The following TBXAS1 variants were observed in gnomAD, a reference collection of about 807,000 sequenced individuals.
TBXAS1 encodes thromboxane A synthase 1.
Under a neutral mutation model 60.7 loss-of-function variants are expected in TBXAS1, and 48 were observed. The observed-to-expected ratio is 0.79, with a 90% CI of 0.63 to 1.01. The LOEUF (loss-of-function observed/expected upper bound fraction) is 1.01. TBXAS1 is among the 50% of genes least tolerant of loss of function. TBXAS1 has a pLI of 0.00. For missense variants in TBXAS1, 685 were observed against 686.3 expected (o/e 1.00, Z 0.02); for synonymous variants, 287 against 269.7 (o/e 1.06, Z -0.63).
At chr7:139,981,415 C>A (rs1212769976) in intron 9 of TBXAS1, among the ~76,000 whole-genome samples, 1 of 152,236 alleles carries the variant, frequency 6.6e-6, no homozygotes, top group Admixed American at 6.5e-5. Flanking sequence ...CATGCCCGGC[C>A]AGGATGTTCT....
At chr7:140,015,335 T>C (rs1370617718) in intron 10 of TBXAS1, among the ~76,000 whole-genome samples, 1 of 152,052 alleles carries the variant, frequency 6.6e-6, no homozygotes, top group Non-Finnish European at 1.5e-5. Context: ...GAAGATAGGA[T>C]AGGCTGTGGC....
At chr7:140,008,935 C>T (rs975109184) in intron 10 of TBXAS1, among the ~76,000 whole-genome samples, 3 of 152,226 alleles carry the variant, frequency 2.0e-5, no homozygotes, top group African/African-American at 7.2e-5. Context: ...GGCTTGGTGA[C>T]CAGGGCTCCT....
chr7:139,951,931 GAGAAAGAAGGAAAGAAAGAAA>G (rs1809369835), intron 5 of TBXAS1, among the ~76,000 whole-genome samples: 2 of 57,866 alleles, frequency 3.5e-5, no homozygotes, highest in Admixed American at 2.3e-4. Flanking sequence ...GAAAGAAAGA[GAGAAAGAAGGAAAGAAAGAAA>G]AGAAAGAAAG....
chr7:139,805,732 T>TCTCTCTCTCTCTCTCTC (rs1569492548), intron 4 of TBXAS1, among the ~76,000 whole-genome samples: 1 of 74,536 alleles, frequency 1.3e-5, no homozygotes, highest in African/African-American at 6.5e-5. Flanking sequence ...CTCTCTCTCT[T>TCTCTCTCTCTCTCTCTC]TCTTTCTTTC....
rs749876546 is a variant in TBXAS1 at position 140,020,125 on chromosome 7, G to A, written c.*26G>A. On this transcript the variant is annotated 3_prime_UTR_variant, in exon 13 of 13. Coordinates refer to ENST00000448866, the MANE Select transcript of TBXAS1 (RefSeq NM_001061.7). ...CACAGAAGGCTGCCGGGTGGGGGGA[G>A]GGCACCCCCAAATTCAAAGAAAACC... The A allele has an allele frequency of 3.3e-6, 5 of 1,523,926 alleles. No individual in the cohort carries two copies. The highest frequency in any genetic ancestry group is 4.5e-6 in the Non-Finnish European group (5 of 1,099,394). 94.4% of individuals were successfully genotyped at this position (1,523,926 alleles called of 1,614,324 possible). A position where few individuals can be genotyped will look rare whatever the true frequency, so the allele number is the denominator to read the frequency against.
chr7:139,979,727 C>CAATAATAATAATAAT (rs58553105), intron 9 of TBXAS1, among the ~76,000 whole-genome samples: 18 of 139,746 alleles, frequency 1.3e-4, no homozygotes, highest in African/African-American at 8.0e-5. Context: ...GATTCCATCT[C>CAATAATAATAATAAT]AATAATAATA....
rs41275018 is a variant in TBXAS1, at chr7:139,936,214, G to A, written c.357G>A (p.Ser119=). The A allele has an allele frequency of 7.7e-3, 12,461 of 1,614,164 alleles. 58 individuals carry two copies. Among genetic ancestry groups the A allele is most frequent in the Non-Finnish European group, 9.3e-3 (10,951 of 1,180,012 alleles). ...NRMASGLEFK[S]VADSVLFLRD... ...AGGCGTCGGGTTTGGAGTTCAAGTC[G>A]GTAGCCGACAGCGTTCTGTTTTTAC... Residue 119 remains serine, a synonymous_variant, in exon 5 of 13, where the codon TCG becomes TCA. Coordinates refer to ENST00000448866, the MANE Select transcript of TBXAS1 (RefSeq NM_001061.7).
At chr7:139,921,566 C>T (rs1489644743) in intron 4 of TBXAS1, among the ~76,000 whole-genome samples, 5 of 152,042 alleles carry the variant, frequency 3.3e-5, no homozygotes, top group Non-Finnish European at 5.9e-5. Flanking sequence ...AGCCAGGCCC[C>T]GTGGTGTGTG....
chr7:139,930,316 T>C (rs911580589), intron 4 of TBXAS1, among the ~76,000 whole-genome samples: 1 of 152,204 alleles, frequency 6.6e-6, no homozygotes, highest in Non-Finnish European at 1.5e-5. Context: ...CGGAGCTTCA[T>C]TTTGTTCACA....
At chr7:139,858,246 C>T (rs987487060) in intron 1 of TBXAS1, among the ~76,000 whole-genome samples, 1 of 152,162 alleles carries the variant, frequency 6.6e-6, no homozygotes, top group Non-Finnish European at 1.5e-5. Context: ...ACATGGCTCT[C>T]GTTTATTGTG....
rs201236274 is a variant in TBXAS1, at chr7:139,926,652, C to CT, written c.334-9530dup. 7.3e-4 allele frequency among the ~76,000 whole-genome samples: 110 copies of CT among 150,696 alleles called. 1 individual carries two copies. In the East Asian group the frequency reaches 0.015, roughly 21 times the overall value. Reference sequence around the variant, plus strand: ...ATTTATTTCTGCTGTGATCTTTATTCTTTTTTTTTCTACTAACTTTGGCTT... The same window carrying CT: ...ATTTATTTCTGCTGTGATCTTTATTCTTTTTTTTTTCTACTAACTTTGGCTT... On this transcript the variant is annotated intron_variant, in intron 4 of 12. Coordinates refer to ENST00000448866, the MANE Select transcript of TBXAS1 (RefSeq NM_001061.7).
At chr7:139,804,852 A>G (rs1296873843) in intron 4 of TBXAS1, among the ~76,000 whole-genome samples, 2 of 152,168 alleles carry the variant, frequency 1.3e-5, no homozygotes, top group African/African-American at 2.4e-5. Context: ...CTTTTTCTTT[A>G]TAAGTTACTC....
intron 5 of TBXAS1, among the ~76,000 whole-genome samples, chr7:139,944,810 C>T (rs886809662): frequency 1.3e-5 from 2 of 152,166 alleles, no homozygotes; most frequent in Non-Finnish European, 2.9e-5. Flanking sequence ...GTAAAAAAGA[C>T]CCTCTCCTTC....
intron 9 of TBXAS1, among the ~76,000 whole-genome samples, chr7:139,979,016 G>C (rs1041187745): frequency 1.6e-4 from 25 of 152,186 alleles, no homozygotes; most frequent in Non-Finnish European, 1.2e-4. Context: ...CTTCAAGGTA[G>C]AGGCAGAAAC....
At chr7:139,815,140 T>C (rs931270315) in intron 4 of TBXAS1, among the ~76,000 whole-genome samples, 2 of 152,208 alleles carry the variant, frequency 1.3e-5, no homozygotes, top group Non-Finnish European at 2.9e-5. Flanking sequence ...AGAATGTAAA[T>C]TTAAAACCAA....
In TBXAS1 at chr7:139,830,886, C is replaced by T. The variant is rs185919596; in HGVS notation, c.89+1407C>T. On this transcript the variant is annotated intron_variant, in intron 1 of 12. Transcript: ENST00000448866. ...TTCTCAAAGCGGACACTTTTTTACA[C>T]TTTTGTTTCAGTCTTTGTTGTGTCT... is the stretch of plus-strand genomic sequence containing the variant. 1.2e-3 allele frequency among the ~76,000 whole-genome samples: 183 copies of T among 152,156 alleles called. 1 individual carries two copies. The highest frequency in any genetic ancestry group is 4.2e-3 in the African/African-American group (176 of 41,510).
chr7:139,900,917 C>T (rs995012281), intron 3 of TBXAS1, among the ~76,000 whole-genome samples: 1 of 152,224 alleles, frequency 6.6e-6, no homozygotes, highest in African/African-American at 2.4e-5. Flanking sequence ...GGACCAGTCA[C>T]TGTTGCCAAG....
intron 6 of TBXAS1, 86 bp from the exon 7 acceptor site, chr7:139,955,373 A>G: frequency 1.3e-6 from 2 of 1,572,516 alleles, no homozygotes; most frequent in African/African-American, 1.3e-5. Context: ...AGTGTAAGCA[A>G]TTCAGGCCCT....
intron 5 of TBXAS1, among the ~76,000 whole-genome samples, chr7:139,949,886 G>A (rs73158675): frequency 0.046 from 6,989 of 152,088 alleles, 205 homozygotes; most frequent in Non-Finnish European, 0.066. Flanking sequence ...ATGATTCTGC[G>A]GCTACCTAAA....
Sources: gnomAD v4.1 joint callset for allele counts (sites outside exome capture counted in the v4.1 genomes callset) on GRCh38, gnomAD v4.1.1 for gene constraint, MANE v1.5 for transcripts, NCBI Gene and HGNC (gene_info 2026-07-23, HGNC 2026-07-21) for gene names.